The following CCDC181 variants were observed in gnomAD, a reference collection of about 807,000 sequenced individuals.
CCDC181 encodes the protein coiled-coil domain containing 181.
CCDC181 carries 35 observed loss-of-function variants against 58.7 expected under a neutral mutation model. The observed-to-expected ratio is 0.60, with a 90% CI of 0.46 to 0.79. The LOEUF (loss-of-function observed/expected upper bound fraction) is 0.79, where lower values mean the gene tolerates loss of function less well. Among genes scored for constraint, CCDC181 ranks in the 30% least tolerant of loss-of-function variants. The probability of loss-of-function intolerance (pLI) is 0.00; values close to 1 mark genes in which losing one functional copy is unlikely to be tolerated. For synonymous variants in CCDC181, 183 were observed against 197.5 expected (o/e 0.93, Z 0.62); for missense variants, 517 against 583.9 (o/e 0.89, Z 1.18).
At chr1:169,408,620 G>A (rs572222478) in intron 4 of CCDC181, among the ~76,000 whole-genome samples, 1 of 152,292 alleles carries the variant, frequency 6.6e-6, no homozygotes, top group Admixed American at 6.5e-5. Flanking sequence ...TCCCAGCAGG[G>A]GTCGAGAGAC....
upstream of CCDC181, among the ~76,000 whole-genome samples, chr1:169,429,193 A>G (rs1165109507): frequency 1.3e-5 from 2 of 152,048 alleles, no homozygotes. Flanking sequence ...CATTTTCTTT[A>G]TCCACTCGTT....
intron 2 of CCDC181, chr1:169,442,835 TAGAATC>T (rs1232671590): frequency 6.6e-6 from 1 of 151,816 alleles, no homozygotes; most frequent in African/African-American, 2.4e-5. Context: ...TAAAGCAAAA[TAGAATC>T]AGAAGTGTCA....
rs1364840238 is a variant in CCDC181 at position 169,412,112 on chromosome 1, T to C, written c.1215+6901A>G. ...TTGTCTCTGTTTGCAGATGATATTA[T>C]TGTATGTTTAGAAAACCCCATCATC... On this transcript the variant is annotated intron_variant, in intron 4 of 5. Coordinates refer to ENST00000367806, the MANE Select transcript of CCDC181 (RefSeq NM_001300969.2). 3.3e-5 allele frequency among the ~76,000 whole-genome samples: 5 copies of C among 152,326 alleles called. No individual in the cohort carries two copies. In the South Asian group the frequency reaches 6.2e-4, roughly 19 times the overall value.
At chr1:169,454,126 C>T (rs189331829) in intron 2 of CCDC181, among the ~76,000 whole-genome samples, 7 of 152,014 alleles carry the variant, frequency 4.6e-5, no homozygotes, top group South Asian at 2.1e-4. Context: ...GCTATTTTTG[C>T]GGTAGTCAGA....
intron 2 of CCDC181, among the ~76,000 whole-genome samples, chr1:169,438,734 T>C (rs1343184035): frequency 6.6e-6 from 1 of 152,142 alleles, no homozygotes; most frequent in Admixed American, 6.6e-5. Flanking sequence ...GAAGAGCGAA[T>C]AGCCACCCTG....
intron 4 of CCDC181, among the ~76,000 whole-genome samples, chr1:169,418,057 T>C (rs566169824): frequency 6.6e-6 from 1 of 152,300 alleles, no homozygotes; most frequent in African/African-American, 2.4e-5. Flanking sequence ...TCACACACTG[T>C]TGGAGGAACT....
At chr1:169,438,549 T>C (rs1332723826) in intron 2 of CCDC181, among the ~76,000 whole-genome samples, 1 of 152,216 alleles carries the variant, frequency 6.6e-6, no homozygotes, top group Non-Finnish European at 1.5e-5. Context: ...ATTAACATTT[T>C]TCATCCCAGC....
chr1:169,397,821 G>A (rs1200728796), intron 4 of CCDC181, among the ~76,000 whole-genome samples: 2 of 152,134 alleles, frequency 1.3e-5, no homozygotes, highest in African/African-American at 4.8e-5. Context: ...AGGAGAGAAA[G>A]AAGACAGATT....
intron 4 of CCDC181, among the ~76,000 whole-genome samples, chr1:169,411,813 C>T (rs1364514424): frequency 2.0e-5 from 3 of 152,016 alleles, no homozygotes; most frequent in Admixed American, 6.6e-5. Flanking sequence ...AAAAGGCCTT[C>T]GATAAAATTC....
At chr1:169,420,733 G>C (rs1309922153) in intron 3 of CCDC181, among the ~76,000 whole-genome samples, 1 of 151,988 alleles carries the variant, frequency 6.6e-6, no homozygotes, top group African/African-American at 2.4e-5. Flanking sequence ...AAGTAATTCT[G>C]AGAAAACTCA....
chr1:169,438,836 G>A (rs1256081357), intron 2 of CCDC181, among the ~76,000 whole-genome samples: 1 of 152,138 alleles, frequency 6.6e-6, no homozygotes, highest in East Asian at 1.9e-4. Context: ...ACTTCCATAA[G>A]CAATTTCTTC....
intron 2 of CCDC181, among the ~76,000 whole-genome samples, chr1:169,448,954 C>A (rs1301099848): frequency 6.6e-6 from 1 of 152,046 alleles, no homozygotes; most frequent in Non-Finnish European, 1.5e-5. Flanking sequence ...ACTGATGATC[C>A]CATCAAAGGC....
chr1:169,435,480 G>A (rs569515762), intron 2 of CCDC181, among the ~76,000 whole-genome samples: 1 of 152,194 alleles, frequency 6.6e-6, no homozygotes, highest in East Asian at 1.9e-4. Context: ...AAGAAAAATG[G>A]GTTTTCCAGG....
intron 4 of CCDC181, among the ~76,000 whole-genome samples, chr1:169,408,747 G>T (rs1285987313): frequency 6.6e-6 from 1 of 152,148 alleles, no homozygotes; most frequent in Non-Finnish European, 1.5e-5. Flanking sequence ...AGCAAACAAG[G>T]TCTGGAGAGG....
At chr1:169,444,184 T>C (rs560674942) in intron 2 of CCDC181, among the ~76,000 whole-genome samples, 83 of 152,264 alleles carry the variant, frequency 5.5e-4, no homozygotes, top group Non-Finnish European at 1.1e-3. Context: ...CACCCTTCAT[T>C]GGGAAAACTT....
chr1:169,453,607 A>G (rs1214376062), intron 2 of CCDC181, among the ~76,000 whole-genome samples: 1 of 151,968 alleles, frequency 6.6e-6, no homozygotes, highest in African/African-American at 2.4e-5. Flanking sequence ...AGAGCCTCTC[A>G]TCTTGGAAAT....
At chr1:169,408,218 T>G (rs776295400) in intron 4 of CCDC181, among the ~76,000 whole-genome samples, 17 of 152,216 alleles carry the variant, frequency 1.1e-4, no homozygotes, top group Admixed American at 6.5e-4. Flanking sequence ...CCTGGGACGC[T>G]CGAGCTTCTT....
intron 4 of CCDC181, among the ~76,000 whole-genome samples, chr1:169,403,411 T>G (rs1220006929): frequency 6.6e-6 from 1 of 152,212 alleles, no homozygotes; most frequent in Non-Finnish European, 1.5e-5. Context: ...TAGGTGAAAG[T>G]AAAGCACTCC....
chr1:169,426,200 A>G (rs1369682350), intron 1 of CCDC181, among the ~76,000 whole-genome samples: 1 of 152,198 alleles, frequency 6.6e-6, no homozygotes, highest in African/African-American at 2.4e-5. Flanking sequence ...ATAAATTACA[A>G]ACTCTGGTTA....
Sources: gnomAD v4.1 joint callset for allele counts (sites outside exome capture counted in the v4.1 genomes callset) on GRCh38, gnomAD v4.1.1 for gene constraint, MANE v1.5 for transcripts, NCBI Gene and HGNC (gene_info 2026-07-23, HGNC 2026-07-21) for gene names.